SUPT5H: variants seen among roughly 807,000 people sequenced by gnomAD.
The protein encoded by SUPT5H is transcription elongation factor SPT5.
Under a neutral mutation model 142.5 loss-of-function variants are expected in SUPT5H, and 24 were observed. The observed-to-expected ratio is 0.17, with a 90% CI of 0.12 to 0.24. The LOEUF (loss-of-function observed/expected upper bound fraction) is 0.24. SUPT5H is among the 10% of genes least tolerant of loss of function. SUPT5H has a pLI of 1.00. For synonymous variants in SUPT5H, 546 were observed against 553.0 expected (o/e 0.99, Z 0.18); for missense variants, 893 against 1,471.8 (o/e 0.61, Z 6.43).
In SUPT5H at chr19:39,471,464, T is replaced by C. The variant is rs2079319136; in HGVS notation, c.1785T>C (p.His595=). 6.2e-7 allele frequency: 1 copy of C among 1,614,184 alleles called. No homozygotes were observed. Among genetic ancestry groups the C allele is most frequent in the Non-Finnish European group, 8.5e-7 (1 of 1,180,038 alleles). Residue 595 remains histidine, a synonymous_variant, in exon 19 of 30, where the codon CAT becomes CAC. Coordinates refer to ENST00000432763, the MANE Select transcript of SUPT5H (RefSeq NM_001111020.3). ...TGGACTCAGAGCAGAACAACATCCATGTGAAAGACATCGTTAAGGTCATTG... is the reference window on the plus strand; with the variant it reads ...TGGACTCAGAGCAGAACAACATCCACGTGAAAGACATCGTTAAGGTCATTG... The part of the protein sequence containing the change: ...VALDSEQNNI[H]VKDIVKVIDG...
At position 39,461,290 on chromosome 19, in the gene SUPT5H, G is replaced by A. The variant is rs191499426; in HGVS notation, c.624+1330G>A. Among the ~76,000 whole-genome samples, 77 of 151,014 alleles carry A rather than the reference G, an allele frequency of 5.1e-4. No individual in the cohort carries two copies. The Middle Eastern group carries it at 0.014, about 27-fold the overall frequency. ...GGGCGACAGAGTGAGACTCCGTCTC[G>A]GGGTGGGTAGGGGGTGGAATGTCTT... On this transcript the variant is annotated intron_variant, in intron 10 of 29. Transcript: ENST00000432763.
At position 39,466,341 on chromosome 19, in the gene SUPT5H, C is replaced by G; in HGVS notation, c.877-139C>G. ...AGGGGACAGACAAGCTAGCGTGGGA[C>G]TTTTGGGAGTGGTCAGCAGCCTGGT... On this transcript the variant is annotated intron_variant, in intron 11 of 29. Coordinates refer to ENST00000432763, the MANE Select transcript of SUPT5H (RefSeq NM_001111020.3). The surrounding 1 kb of genome is among the most constrained non-coding windows in gnomAD (Gnocchi z 4.3). 1 of 757,650 alleles carries G rather than the reference C, an allele frequency of 1.3e-6. No individual in the cohort carries two copies. The highest frequency in any genetic ancestry group is 1.7e-5 in the African/African-American group (1 of 58,456). 46.9% of individuals were successfully genotyped at this position (757,650 alleles called of 1,614,324 possible).
In SUPT5H at chr19:39,469,935, T is replaced by TG. The variant is rs2079296116; in HGVS notation, c.1375-180dup. ...GTTGTCCAGGTTGGTGTCCTGTGTC[T>TG]GGGGTCAGCTGTTTCTGGGGCAGTC... On this transcript the variant is annotated intron_variant, in intron 16 of 29. Coordinates refer to ENST00000432763, the MANE Select transcript of SUPT5H (RefSeq NM_001111020.3). The surrounding 1 kb of genome is among the most constrained non-coding windows in gnomAD (Gnocchi z 5.1). 7 of 720,538 alleles carry TG rather than the reference T, an allele frequency of 9.7e-6. No homozygotes were observed. Among genetic ancestry groups the TG allele is most frequent in the Non-Finnish European group, 1.6e-5 (7 of 448,378 alleles). The allele number at this position is 720,538 out of a possible 1,614,324, so 44.6% of individuals were successfully genotyped here. A position where few individuals can be genotyped will look rare whatever the true frequency, so the allele number is the denominator to read the frequency against.
chr19:39,471,536 T>G, intron 19 of SUPT5H, 33 bp downstream of exon 19: 2 of 1,613,930 alleles, frequency 1.2e-6, no homozygotes, highest in Non-Finnish European at 1.7e-6. Flanking sequence ...GAGCTGCATC[T>G]GAAAGAATTT....
rs2079337858 is a variant in SUPT5H at position 39,472,666 on chromosome 19, A to T, written c.2036-144A>T. 7.0e-7 allele frequency: 1 copy of T among 1,421,010 alleles called. No homozygotes were observed. The highest frequency in any genetic ancestry group is 1.4e-5 in the African/African-American group (1 of 70,056). The allele number at this position is 1,421,010 out of a possible 1,614,324, so 88.0% of individuals were successfully genotyped here. A position where few individuals can be genotyped will look rare whatever the true frequency, so the allele number is the denominator to read the frequency against. On this transcript the variant is annotated intron_variant, in intron 21 of 29. Coordinates refer to ENST00000432763, the MANE Select transcript of SUPT5H (RefSeq NM_001111020.3). This position sits in a 1 kb window ranked among gnomAD's most constrained non-coding sequence, Gnocchi z 4.2. ...ACAGCCCAGAATGGTCAGGGCTTCC[A>T]TAGGAAAGCCATGGGGCAGGGGTGG...
Position 39,468,529 on chromosome 19 carries a change from C to T in SUPT5H, c.1038-227C>T, listed in dbSNP as rs777230274. 13 of 568,900 alleles carry T rather than the reference C, an allele frequency of 2.3e-5. No homozygotes were observed. The East Asian group carries it at 2.9e-4, about 13-fold the overall frequency. The allele number at this position is 568,900 out of a possible 1,614,324, so 35.2% of individuals were successfully genotyped here. ...AAACACTAGATTGTCAGATGGTGAT[C>T]GGTGCTCAAAGATAAATCAGGGAAT... On this transcript the variant is annotated intron_variant, in intron 13 of 29. Coordinates refer to ENST00000432763, the MANE Select transcript of SUPT5H (RefSeq NM_001111020.3).
rs376472162 is a variant in SUPT5H at position 39,471,327 on chromosome 19, C to T, written c.1678-30C>T. 5.0e-6 allele frequency: 8 copies of T among 1,613,822 alleles called. No individual in the cohort carries two copies. In the African/African-American group the frequency reaches 9.3e-5, roughly 19 times the overall value. ...CCGTGTCTCCCCTTCCCATTCTCAC[C>T]CCCACAGCCTCCCTGCTCTCCCTCT... On this transcript the variant is annotated intron_variant, in intron 18 of 29. Coordinates refer to ENST00000432763, the MANE Select transcript of SUPT5H (RefSeq NM_001111020.3).
Position 39,466,428 on chromosome 19 carries a change from G to GGGGTCAGGGAGGAGA in SUPT5H, c.877-50_877-36dup. 1 of 1,511,462 alleles carries GGGGTCAGGGAGGAGA rather than the reference G, an allele frequency of 6.6e-7. No individual in the cohort carries two copies. Among genetic ancestry groups the GGGGTCAGGGAGGAGA allele is most frequent in the Non-Finnish European group, 9.2e-7 (1 of 1,088,266 alleles). The allele number at this position is 1,511,462 out of a possible 1,614,324, so 93.6% of individuals were successfully genotyped here. On this transcript the variant is annotated intron_variant, in intron 11 of 29. Coordinates refer to ENST00000432763, the MANE Select transcript of SUPT5H (RefSeq NM_001111020.3). The surrounding 1 kb of genome is among the most constrained non-coding windows in gnomAD (Gnocchi z 4.3). ...GCATCTCCTGACCCTTCTTGTGTCT[G>GGGGTCAGGGAGGAGA]GGGTCAGGGAGGAGAGTGGGGCCCT...
chr19:39,475,483 C>T (rs932063109), intron 28 of SUPT5H, among the ~76,000 whole-genome samples: 3 of 150,528 alleles, frequency 2.0e-5, no homozygotes, highest in Admixed American at 1.3e-4. Context: ...GTCCAGAGGG[C>T]GCCGGAGAGC....
In SUPT5H at chr19:39,472,584, T is replaced by C. The variant is rs2079336894; in HGVS notation, c.2035+91T>C. The C allele has an allele frequency of 6.8e-7, 1 of 1,472,114 alleles. No individual in the cohort carries two copies. Among genetic ancestry groups the C allele is most frequent in the Non-Finnish European group, 9.4e-7 (1 of 1,066,118 alleles). The allele number at this position is 1,472,114 out of a possible 1,614,324, so 91.2% of individuals were successfully genotyped here. Reference sequence around the variant, plus strand: ...GCCTACACTCACTGAGTGCCTGTGCTGGGCTGGGCACTGCTATTAGGGGTT... The same window carrying C: ...GCCTACACTCACTGAGTGCCTGTGCCGGGCTGGGCACTGCTATTAGGGGTT... On this transcript the variant is annotated intron_variant, in intron 21 of 29. Transcript: ENST00000432763. This position sits in a 1 kb window ranked among gnomAD's most constrained non-coding sequence, Gnocchi z 4.2.
At position 39,473,100 on chromosome 19, in the gene SUPT5H, G is replaced by T; in HGVS notation, c.2244G>T (p.Gln748His). The change falls in exon 23 of 30, where the codon CAG becomes CAT. Residue 748 changes from glutamine to histidine, a missense_variant. Transcript: ENST00000432763. The surrounding 1 kb of genome is among the most constrained non-coding windows in gnomAD (Gnocchi z 5.8). ...GCCAGACCATCTCTGTGGACCGTCA[G>T]CGGCTCACCACGGTGTACGGGCGGG... ...STCQTISVDR[Q>H]RLTTVGSRRP... 1 of 1,613,530 alleles carries T rather than the reference G, an allele frequency of 6.2e-7. No homozygotes were observed. The highest frequency in any genetic ancestry group is 8.5e-7 in the Non-Finnish European group (1 of 1,179,900).
chr19:39,475,839 A>C lies in SUPT5H; in HGVS notation c.3025-242A>C, dbSNP rs767599742. 5.5e-6 allele frequency: 3 copies of C among 549,452 alleles called. No homozygotes were observed. In the South Asian group the frequency reaches 6.9e-5, roughly 13 times the overall value. 34.0% of individuals were successfully genotyped at this position (549,452 alleles called of 1,614,324 possible). A position where few individuals can be genotyped will look rare whatever the true frequency, so the allele number is the denominator to read the frequency against. ...CCAGTTTGGGACATGAAGAGTCAAG[A>C]AGCAGTCTCCTTTTTGCCTGTTAGC... On this transcript the variant is annotated intron_variant, in intron 28 of 29. Coordinates refer to ENST00000432763, the MANE Select transcript of SUPT5H (RefSeq NM_001111020.3).
chr19:39,464,782 C>A lies in SUPT5H; in HGVS notation c.625-16C>A. 1.9e-6 allele frequency: 3 copies of A among 1,583,180 alleles called. No homozygotes were observed. The highest frequency in any genetic ancestry group is 2.6e-6 in the Non-Finnish European group (3 of 1,158,640). On this transcript the variant is annotated splice_polypyrimidine_tract_variant and intron_variant, in intron 10 of 29. Transcript: ENST00000432763. ...TGTGTCTCACTGTTTCCTCCTTCCA[C>A]CGGCTCACCCTGCAGCCCCTGCAGA...
intron 28 of SUPT5H, 38 bp from the exon 29 acceptor site, chr19:39,476,043 G>A: frequency 6.3e-7 from 1 of 1,591,226 alleles, no homozygotes; most frequent in Non-Finnish European, 8.6e-7. Flanking sequence ...CCCATGTTGG[G>A]AGCAGGACAG....
At position 39,474,384 on chromosome 19, in the gene SUPT5H, G is replaced by A. The variant is rs376597898; in HGVS notation, c.2802G>A (p.Pro934=). Residue 934 remains proline (P), a synonymous_variant, in exon 27 of 30, where the codon CCG becomes CCA. Coordinates refer to ENST00000432763, the MANE Select transcript of SUPT5H (RefSeq NM_001111020.3). This position sits in a 1 kb window ranked among gnomAD's most constrained non-coding sequence, Gnocchi z 6.5. The part of the protein sequence containing the change: ...THSPASYHPT[P]SPMAYQASPS... ...CCCCAGCCAGCTACCACCCTACACCGTCGCCCATGGCCTATCAGGTAATGG... is the reference window on the plus strand; with the variant it reads ...CCCCAGCCAGCTACCACCCTACACCATCGCCCATGGCCTATCAGGTAATGG... 27 of 1,613,878 alleles carry A rather than the reference G, an allele frequency of 1.7e-5. No individual in the cohort carries two copies. Among genetic ancestry groups the A allele is most frequent in the African/African-American group, 1.1e-4 (8 of 74,894 alleles).
chr19:39,472,263 A>C lies in SUPT5H; in HGVS notation c.1951-146A>C. The C allele has an allele frequency of 1.4e-6, 1 of 732,874 alleles. No individual in the cohort carries two copies. Among genetic ancestry groups the C allele is most frequent in the East Asian group, 2.6e-5 (1 of 38,796 alleles). 45.4% of individuals were successfully genotyped at this position (732,874 alleles called of 1,614,324 possible). On this transcript the variant is annotated intron_variant, in intron 20 of 29. Transcript: ENST00000432763. The surrounding 1 kb of genome is among the most constrained non-coding windows in gnomAD (Gnocchi z 4.2). ...AGGTGGGGCTTGTAGGAAAGTGTGC[A>C]GGACCAGCTGTCACAGAGGAATTCA...
At chr19:39,475,910 T>C in intron 28 of SUPT5H, 171 bp from the exon 29 acceptor site, 1 of 620,180 alleles carries the variant, frequency 1.6e-6, no homozygotes, top group Non-Finnish European at 2.8e-6. Flanking sequence ...CTGTCCACCC[T>C]GACATGCACC....
chr19:39,457,209 C>G (rs1042395400), intron 3 of SUPT5H, among the ~76,000 whole-genome samples: 1 of 152,174 alleles, frequency 6.6e-6, no homozygotes, highest in Non-Finnish European at 1.5e-5. Flanking sequence ...TAGTGCCTCC[C>G]TCGGGGTTGC....
At position 39,473,130 on chromosome 19, in the gene SUPT5H, G is replaced by C. The variant is rs1403106311; in HGVS notation, c.2258+16G>C. 6.2e-7 allele frequency: 1 copy of C among 1,612,134 alleles called. No homozygotes were observed. The highest frequency in any genetic ancestry group is 1.3e-5 in the African/African-American group (1 of 74,908). Reference sequence around the variant, plus strand: ...TCACCACGGTGTACGGGCGGGGCCTGGGGAGGGCCAGGGTGGGGCTTGCTA... The same window carrying C: ...TCACCACGGTGTACGGGCGGGGCCTCGGGAGGGCCAGGGTGGGGCTTGCTA... On this transcript the variant is annotated intron_variant, in intron 23 of 29. Transcript: ENST00000432763. The surrounding 1 kb of genome is among the most constrained non-coding windows in gnomAD (Gnocchi z 5.8).
Sources: gnomAD v4.1 joint callset for allele counts (sites outside exome capture counted in the v4.1 genomes callset) on GRCh38, gnomAD v4.1.1 for gene constraint, Gnocchi (gnomAD v3.1) non-coding constraint, MANE v1.5 for transcripts, NCBI Gene and HGNC (gene_info 2026-07-23, HGNC 2026-07-21) for gene names.